Variants in WDR88 observed in about 807,000 individuals in gnomAD.
WDR88 encodes WD repeat-containing protein 88.
A neutral mutation model predicts 46.8 loss-of-function variants in WDR88; 40 were observed. The observed-to-expected ratio is 0.86, with a 90% CI of 0.66 to 1.11. WDR88 has a LOEUF of 1.11. Ranked by LOEUF, WDR88 falls within the 50% of genes most tolerant of loss-of-function variation. The pLI, the probability that WDR88 is intolerant of heterozygous loss-of-function variation, is 0.00. For synonymous variants in WDR88, 235 were observed against 240.7 expected (o/e 0.98, Z 0.22); for missense variants, 562 against 602.4 (o/e 0.93, Z 0.70).
At chr19:33,165,012 G>A (rs1287460982) in intron 9 of WDR88, among the ~76,000 whole-genome samples, 1 of 151,840 alleles carries the variant, frequency 6.6e-6, no homozygotes, top group Non-Finnish European at 1.5e-5. Context: ...TCAGGCATTA[G>A]ATTCTCATAA....
chr19:33,165,929 C>T (rs987828870), intron 9 of WDR88, among the ~76,000 whole-genome samples: 1 of 145,932 alleles, frequency 6.9e-6, no homozygotes, highest in African/African-American at 2.5e-5. Context: ...AATTATGTTT[C>T]TTTCTATTCT....
intron 5 of WDR88, among the ~76,000 whole-genome samples, chr19:33,150,656 A>G (rs1008800971): frequency 1.3e-5 from 2 of 152,066 alleles, no homozygotes; most frequent in Admixed American, 6.5e-5. Context: ...ATGTGGCACT[A>G]TGCCATGTGC....
chr19:33,139,917 T>C (rs529270347), intron 2 of WDR88, among the ~76,000 whole-genome samples: 93 of 152,258 alleles, frequency 6.1e-4, no homozygotes, highest in Non-Finnish European at 9.1e-4. Flanking sequence ...TTACCAGCTG[T>C]GTGACCCTGG....
chr19:33,163,157 C>A (rs1008877320), intron 8 of WDR88, among the ~76,000 whole-genome samples: 1 of 151,986 alleles, frequency 6.6e-6, no homozygotes, highest in Non-Finnish European at 1.5e-5. Flanking sequence ...CACAGTGAAA[C>A]CCCGTCTCTA....
At chr19:33,174,792 A>T in intron 10 of WDR88, 4 of 985,428 alleles carry the variant, frequency 4.1e-6, no homozygotes, top group Non-Finnish European at 4.8e-6. Flanking sequence ...CTTGCCACGC[A>T]TGTCCTCAGG....
At chr19:33,155,035 CAG>C (rs1418538123) in intron 6 of WDR88, among the ~76,000 whole-genome samples, 21 of 152,166 alleles carry the variant, frequency 1.4e-4, no homozygotes, top group Admixed American at 1.4e-3. Flanking sequence ...GTGAGAATCA[CAG>C]GAGAAAGACA....
intron 2 of WDR88, among the ~76,000 whole-genome samples, chr19:33,140,935 ATT>A (rs576514149): frequency 0.16 from 19,688 of 126,982 alleles, 1,172 homozygotes; most frequent in South Asian, 0.26. Context: ...CCAAACTTAC[ATT>A]TTTTTTTTTT....
At chr19:33,153,170 C>T (rs930103844) in intron 6 of WDR88, among the ~76,000 whole-genome samples, 2 of 151,808 alleles carry the variant, frequency 1.3e-5, no homozygotes, top group African/African-American at 2.4e-5. Context: ...CTTGCCTCAA[C>T]TTCCTGAGTA....
intron 6 of WDR88, among the ~76,000 whole-genome samples, chr19:33,154,479 G>A (rs2145396582): frequency 6.6e-6 from 1 of 152,180 alleles, no homozygotes; most frequent in Middle Eastern, 3.4e-3. Context: ...GTGGTGTTTG[G>A]TCTTCTGTTC....
intron 8 of WDR88, among the ~76,000 whole-genome samples, chr19:33,162,435 G>A (rs1236517596): frequency 2.0e-5 from 3 of 151,438 alleles, no homozygotes; most frequent in Non-Finnish European, 2.9e-5. Context: ...GGCTGGTCTC[G>A]ATCTCCTGAC....
intron 7 of WDR88, among the ~76,000 whole-genome samples, chr19:33,159,085 TG>T (rs913433069): frequency 2.7e-5 from 4 of 150,836 alleles, no homozygotes; most frequent in African/African-American, 4.9e-5. Context: ...ATTTCAGTGC[TG>T]GGGGGGTGCT....
rs371222094 is a variant in WDR88, at chr19:33,148,876, C to T, written c.645C>T (p.Asp215=). The part of the protein sequence containing the change: ...FDVDHGICIM[D]AENITTVSVI... ...TGGATCATGGAATCTGCATAATGGA[C>T]GCCGAGAACATCACCACCGTTTCCG... Residue 215 remains aspartate (D), a synonymous_variant, in exon 5 of 11, where the codon GAC becomes GAT. Transcript: ENST00000355868. The T allele has an allele frequency of 1.4e-5, 22 of 1,613,898 alleles. 1 individual carries two copies. The highest frequency in any genetic ancestry group is 1.6e-4 in the Middle Eastern group (1 of 6,082).
chr19:33,146,274 C>T (rs1050626983), intron 3 of WDR88, among the ~76,000 whole-genome samples: 3 of 151,836 alleles, frequency 2.0e-5, no homozygotes, highest in East Asian at 3.9e-4. Context: ...CCAGCCTGGG[C>T]GACGAGTGAA....
intron 6 of WDR88, among the ~76,000 whole-genome samples, chr19:33,154,955 C>A (rs1029521082): frequency 6.6e-6 from 1 of 152,142 alleles, no homozygotes; most frequent in Non-Finnish European, 1.5e-5. Context: ...TTTGCTCAAC[C>A]TTTTCTTCAG....
intron 8 of WDR88, 59 bp from the exon 9 acceptor site, chr19:33,164,138 T>C (rs1973915867): frequency 6.5e-6 from 10 of 1,543,508 alleles, no homozygotes; most frequent in Non-Finnish European, 9.0e-6. Flanking sequence ...CAGCTTGTTT[T>C]TGTTGTTCTT....
chr19:33,175,651 T>C lies in WDR88; in HGVS notation c.*79T>C. 2.6e-6 allele frequency: 4 copies of C among 1,551,944 alleles called. No individual in the cohort carries two copies. Among genetic ancestry groups the C allele is most frequent in the Non-Finnish European group, 3.5e-6 (4 of 1,138,230 alleles). On this transcript the variant is annotated 3_prime_UTR_variant, in exon 11 of 11. Coordinates refer to ENST00000355868, the MANE Select transcript of WDR88 (RefSeq NM_173479.4). ...TCGGGGCTTTGCAGGGGCTTTCTCT[T>C]GGGCCCCTCCCAGGCTCAGCAGGCC... is the stretch of plus-strand genomic sequence containing the variant.
chr19:33,146,520 TC>T (rs1973522459), intron 3 of WDR88, among the ~76,000 whole-genome samples: 1 of 149,960 alleles, frequency 6.7e-6, no homozygotes, highest in Admixed American at 6.8e-5. Context: ...CTTCCTCCCT[TC>T]CTTCCTTCTT....
In WDR88 at chr19:33,142,152, C is replaced by T. The variant is rs545775085; in HGVS notation, c.388-2692C>T. ...TGTAGGGTTATGGGTTCACCCTCTA[C>T]GGAGGGACATGGAGCGCATGGTGGG... On this transcript the variant is annotated intron_variant, in intron 2 of 10. Transcript: ENST00000355868. 1.6e-4 allele frequency among the ~76,000 whole-genome samples: 24 copies of T among 151,982 alleles called. No individual in the cohort carries two copies. The East Asian group carries it at 3.7e-3, about 23-fold the overall frequency.
intron 9 of WDR88, among the ~76,000 whole-genome samples, chr19:33,171,382 T>C (rs551778892): frequency 7.0e-4 from 107 of 152,326 alleles, no homozygotes; most frequent in Non-Finnish European, 1.4e-3. Context: ...GGAAGTATGC[T>C]TATTGGTAAG....
Sources: gnomAD v4.1 joint callset for allele counts (sites outside exome capture counted in the v4.1 genomes callset) on GRCh38, gnomAD v4.1.1 for gene constraint, MANE v1.5 for transcripts, NCBI Gene and HGNC (gene_info 2026-07-23, HGNC 2026-07-21) for gene names.